MRPL1: variants seen among roughly 807,000 people sequenced by gnomAD.
MRPL1 encodes mitochondrial ribosomal protein L1.
In MRPL1, 28 loss-of-function variants were observed where a neutral mutation model predicts 38.0. The observed-to-expected ratio is 0.74, with a 90% CI of 0.55 to 1.01. MRPL1 has a LOEUF of 1.01. Among genes scored for constraint, MRPL1 ranks in the 50% least tolerant of loss-of-function variants. The pLI is 0.00. For missense variants in MRPL1, 358 were observed against 389.8 expected, an observed-to-expected ratio of 0.92 and a Z score of 0.69; for synonymous variants, 123 against 126.7, an observed-to-expected ratio of 0.97 and a Z score of 0.20.
intron 7 of MRPL1, among the ~76,000 whole-genome samples, chr4:77,926,362 A>C (rs1038484705): frequency 6.6e-6 from 1 of 152,184 alleles, no homozygotes; most frequent in African/African-American, 2.4e-5. Context: ...TCCTTGATTT[A>C]GCTCCCAGAA....
At chr4:77,948,996 C>T (rs756603405) in intron 7 of MRPL1, among the ~76,000 whole-genome samples, 2 of 152,184 alleles carry the variant, frequency 1.3e-5, no homozygotes, top group Non-Finnish European at 2.9e-5. Context: ...GTCTCAAACT[C>T]CTGACCTCAG....
chr4:77,879,346 T>A (rs760636902), intron 2 of MRPL1, among the ~76,000 whole-genome samples: 5 of 152,222 alleles, frequency 3.3e-5, no homozygotes, highest in African/African-American at 7.2e-5. Flanking sequence ...TATTATAATG[T>A]TGTTATACTT....
chr4:77,915,733 T>G (rs1217326427), intron 7 of MRPL1, among the ~76,000 whole-genome samples: 1 of 152,198 alleles, frequency 6.6e-6, no homozygotes, highest in Non-Finnish European at 1.5e-5. Flanking sequence ...TCTTAATATT[T>G]CCTACCATTT....
chr4:77,894,552 T>C (rs374512914), intron 6 of MRPL1, among the ~76,000 whole-genome samples: 2 of 152,288 alleles, frequency 1.3e-5, no homozygotes, highest in East Asian at 1.9e-4. Context: ...TACTGTTTTA[T>C]TGGCTTTTAT....
chr4:77,931,602 T>C (rs1034156932), intron 7 of MRPL1, among the ~76,000 whole-genome samples: 1 of 152,250 alleles, frequency 6.6e-6, no homozygotes, highest in Admixed American at 6.5e-5. Context: ...ATATTATGTG[T>C]ACTTTTGTTG....
chr4:77,862,835 C>T lies in MRPL1; in HGVS notation c.-14C>T. The T allele has an allele frequency of 6.2e-7, 1 of 1,614,070 alleles. No homozygotes were observed. Among genetic ancestry groups the T allele is most frequent in the Non-Finnish European group, 8.5e-7 (1 of 1,179,988 alleles). On this transcript the variant is annotated 5_prime_UTR_variant, in exon 1 of 9. Coordinates refer to ENST00000315567, the MANE Select transcript of MRPL1 (RefSeq NM_020236.4). Reference sequence around the variant, plus strand: ...GTAGGAACAATTTCGTGAACGCAATCCGGAGTGCCCAACATGGCGGCGGCC... The same window carrying T: ...GTAGGAACAATTTCGTGAACGCAATTCGGAGTGCCCAACATGGCGGCGGCC...
At chr4:77,907,783 C>T (rs1322813443) in intron 6 of MRPL1, among the ~76,000 whole-genome samples, 2 of 152,008 alleles carry the variant, frequency 1.3e-5, no homozygotes, top group East Asian at 1.9e-4. Flanking sequence ...AGGCTGGTCT[C>T]GAACTCCCAA....
intron 5 of MRPL1, among the ~76,000 whole-genome samples, chr4:77,891,035 G>T (rs894144008): frequency 6.6e-6 from 1 of 152,114 alleles, no homozygotes; most frequent in Non-Finnish European, 1.5e-5. Flanking sequence ...TTTAAATAAA[G>T]AGGGTCTTCA....
chr4:77,909,511 A>G (rs1199884949), intron 7 of MRPL1, 139 bp downstream of exon 7: 6 of 570,976 alleles, frequency 1.1e-5, no homozygotes, highest in Non-Finnish European at 1.9e-5. Flanking sequence ...AAACATACGC[A>G]TAGATACTTT....
intron 7 of MRPL1, among the ~76,000 whole-genome samples, chr4:77,944,759 A>G (rs1309186499): frequency 1.3e-5 from 2 of 152,186 alleles, no homozygotes; most frequent in African/African-American, 4.8e-5. Flanking sequence ...TGTTTCACTT[A>G]GTTTCCCTTT....
At chr4:77,907,263 T>A (rs1023108324) in intron 6 of MRPL1, 1 of 716,404 alleles carries the variant, frequency 1.4e-6, no homozygotes, top group Non-Finnish European at 1.7e-6. Flanking sequence ...AAATTTGTGT[T>A]AAAATGATAA....
intron 7 of MRPL1, among the ~76,000 whole-genome samples, chr4:77,929,094 T>C (rs921041568): frequency 5.3e-5 from 8 of 152,240 alleles, no homozygotes; most frequent in African/African-American, 1.2e-4. Flanking sequence ...CCAGCCACTT[T>C]GCTGCATAGG....
At chr4:77,867,816 G>C (rs970815236) in intron 1 of MRPL1, among the ~76,000 whole-genome samples, 1 of 144,382 alleles carries the variant, frequency 6.9e-6, no homozygotes. Flanking sequence ...GAGGGCAGTG[G>C]CACGATCTCG....
intron 7 of MRPL1, among the ~76,000 whole-genome samples, chr4:77,930,342 G>T (rs1443682844): frequency 6.6e-6 from 1 of 152,162 alleles, no homozygotes; most frequent in Non-Finnish European, 1.5e-5. Context: ...AGCAAGCAAA[G>T]CTCCATCTGT....
At chr4:77,914,571 A>AAATAATTGC (rs1316367809) in intron 7 of MRPL1, among the ~76,000 whole-genome samples, 1 of 152,210 alleles carries the variant, frequency 6.6e-6, no homozygotes, top group Non-Finnish European at 1.5e-5. Context: ...GTATTATGCA[A>AAATAATTGC]AATAATTGTT....
At chr4:77,909,121 AC>A in intron 6 of MRPL1, 144 bp from the exon 7 acceptor site, 1 of 506,606 alleles carries the variant, frequency 2.0e-6, no homozygotes, top group Admixed American at 5.6e-5. Context: ...GAATGTGAAC[AC>A]CAGGAAACAG....
intron 1 of MRPL1, among the ~76,000 whole-genome samples, chr4:77,869,715 A>G (rs1293180661): frequency 6.6e-6 from 1 of 152,020 alleles, no homozygotes; most frequent in African/African-American, 2.4e-5. Context: ...TCAGCCTCTC[A>G]GGTAGCTGGG....
At chr4:77,938,614 A>G (rs1737045194) in intron 7 of MRPL1, among the ~76,000 whole-genome samples, 1 of 152,146 alleles carries the variant, frequency 6.6e-6, no homozygotes, top group Non-Finnish European at 1.5e-5. Flanking sequence ...GGATTTAAAT[A>G]CTGGACAGTA....
chr4:77,884,295 C>T (rs945200557), intron 3 of MRPL1, among the ~76,000 whole-genome samples: 2 of 151,904 alleles, frequency 1.3e-5, no homozygotes, highest in Non-Finnish European at 2.9e-5. Context: ...AAAGAAATCC[C>T]GAGGAGGATG....
Sources: allele counts gnomAD v4.1 joint callset (sites outside exome capture counted in the v4.1 genomes callset), GRCh38; gene constraint gnomAD v4.1.1; transcripts MANE v1.5; gene names NCBI Gene and HGNC (gene_info 2026-07-23, HGNC 2026-07-21).